GHR: variants seen among roughly 807,000 people sequenced by gnomAD.
GHR encodes the protein GH receptor.
GHR carries 35 observed loss-of-function variants against 67.1 expected under a neutral mutation model. That is an observed-to-expected ratio of 0.52 (90% CI 0.40 to 0.69). The LOEUF (loss-of-function observed/expected upper bound fraction) is 0.69, where lower values mean the gene tolerates loss of function less well. Ranked by LOEUF, GHR falls within the 30% of genes least tolerant of loss-of-function variation. The pLI, the probability that GHR is intolerant of heterozygous loss-of-function variation, is 0.00. For missense variants in GHR, 792 were observed against 764.6 expected, an observed-to-expected ratio of 1.04 and a Z score of -0.42; for synonymous variants, 272 against 269.1, an observed-to-expected ratio of 1.01 and a Z score of -0.10.
rs1054095672 is a variant in GHR at position 42,719,418 on chromosome 5, G to T, written c.1911G>T (p.Met637Ile). 1.9e-6 allele frequency: 3 copies of T among 1,612,594 alleles called. No homozygotes were observed. Among genetic ancestry groups the T allele is most frequent in the South Asian group, 2.2e-5 (2 of 91,072 alleles). Residue 637 changes from methionine (M) to isoleucine (I), a missense_variant, in exon 10 of 10, where the codon ATG becomes ATT. Physicochemically the swap from Met to Ile is conservative, Grantham distance 10. Transcript: ENST00000230882. ...YVSTDQLNKI[M>I]P ...GCACAGACCAACTGAACAAAATCAT[G>T]CCTTAGCCTTTCTTTGGTTTCCCAA...
Position 42,565,633 on chromosome 5 carries a change from G to A in GHR, c.-11-231G>A, listed in dbSNP as rs183489953. 7.1e-5 allele frequency: 70 copies of A among 984,802 alleles called. No individual in the cohort carries two copies. In the East Asian group the frequency reaches 4.7e-3, roughly 65 times the overall value. The allele number at this position is 984,802 out of a possible 1,614,324, so 61.0% of individuals were successfully genotyped here. On this transcript the variant is annotated intron_variant, in intron 1 of 9. Transcript: ENST00000230882. ...GGGTATGAACATCTCTAGTGTTCAT[G>A]TTATTTCCTGAGACTAGCACTCACG...
intron 2 of GHR, among the ~76,000 whole-genome samples, chr5:42,594,054 AT>A (rs1175034810): frequency 6.6e-6 from 1 of 152,126 alleles, no homozygotes; most frequent in Non-Finnish European, 1.5e-5. Context: ...CCATTGGAGA[AT>A]TTTTCTATAT....
chr5:42,574,499 A>C (rs984230772), intron 2 of GHR, among the ~76,000 whole-genome samples: 16 of 152,248 alleles, frequency 1.1e-4, no homozygotes, highest in African/African-American at 1.9e-4. Context: ...GAGAAATAGA[A>C]GGAAGTAAGT....
chr5:42,548,023 G>A, intron 1 of GHR: 1 of 901,804 alleles, frequency 1.1e-6, no homozygotes, highest in Non-Finnish European at 1.3e-6. Flanking sequence ...CAGAGCCTTT[G>A]CTGAGTTCTA....
chr5:42,565,143 C>T (rs2112474380), intron 1 of GHR, among the ~76,000 whole-genome samples: 1 of 152,312 alleles, frequency 6.6e-6, no homozygotes, highest in East Asian at 1.9e-4. Flanking sequence ...CCACACTGGG[C>T]TTCTAAATGG....
At chr5:42,456,957 A>AT (rs1744288496) in intron 1 of GHR, among the ~76,000 whole-genome samples, 1 of 152,178 alleles carries the variant, frequency 6.6e-6, no homozygotes, top group African/African-American at 2.4e-5. Context: ...TTTTCTGGGC[A>AT]TTTTTAATGA....
chr5:42,538,412 C>T (rs1222311084), intron 1 of GHR, among the ~76,000 whole-genome samples: 1 of 152,116 alleles, frequency 6.6e-6, no homozygotes, highest in East Asian at 1.9e-4. Context: ...CTGAAAATGA[C>T]TGTATCTTTC....
chr5:42,554,198 A>G (rs180958862), intron 1 of GHR, among the ~76,000 whole-genome samples: 3 of 152,282 alleles, frequency 2.0e-5, no homozygotes, highest in African/African-American at 7.2e-5. Context: ...TAAGTTCTGC[A>G]AGTGATTCTA....
At chr5:42,538,221 G>A (rs558874441) in intron 1 of GHR, among the ~76,000 whole-genome samples, 90 of 152,030 alleles carry the variant, frequency 5.9e-4, no homozygotes, top group African/African-American at 2.1e-3. Flanking sequence ...TGTGTACCTT[G>A]GTTTTTTGTT....
At chr5:42,432,570 G>A (rs1290344680) in intron 1 of GHR, among the ~76,000 whole-genome samples, 1 of 152,140 alleles carries the variant, frequency 6.6e-6, no homozygotes, top group African/African-American at 2.4e-5. Flanking sequence ...AAGCCTCTAA[G>A]TTGGCCAAAC....
At chr5:42,525,520 A>G (rs1747669636) in intron 1 of GHR, among the ~76,000 whole-genome samples, 1 of 152,168 alleles carries the variant, frequency 6.6e-6, no homozygotes, top group Admixed American at 6.5e-5. Flanking sequence ...CTAAGGTAAG[A>G]CTTTGGACTG....
At chr5:42,583,472 A>C (rs939481269) in intron 2 of GHR, among the ~76,000 whole-genome samples, 7 of 152,232 alleles carry the variant, frequency 4.6e-5, no homozygotes, top group African/African-American at 9.6e-5. Context: ...AAGTGCTGAC[A>C]AGCAGCAAAA....
At chr5:42,599,840 G>A (rs1468851955) in intron 2 of GHR, among the ~76,000 whole-genome samples, 1 of 152,150 alleles carries the variant, frequency 6.6e-6, no homozygotes, top group Non-Finnish European at 1.5e-5. Context: ...GACTTAAGTA[G>A]CTGCTGCCCC....
chr5:42,653,396 C>G (rs1755101059), intron 3 of GHR, among the ~76,000 whole-genome samples: 1 of 152,088 alleles, frequency 6.6e-6, no homozygotes, highest in Non-Finnish European at 1.5e-5. Context: ...TCAGATCTTT[C>G]TGCCATCCCT....
intron 1 of GHR, among the ~76,000 whole-genome samples, chr5:42,511,451 C>A (rs1447359123): frequency 1.3e-5 from 2 of 152,096 alleles, no homozygotes; most frequent in Non-Finnish European, 2.9e-5. Flanking sequence ...ACTTGTTTTC[C>A]TCCTTTGTTT....
At chr5:42,669,717 T>C (rs1756174664) in intron 3 of GHR, among the ~76,000 whole-genome samples, 2 of 152,116 alleles carry the variant, frequency 1.3e-5, no homozygotes, top group African/African-American at 4.8e-5. Context: ...TTTTAAAAAT[T>C]AAATGCCCAA....
intron 3 of GHR, among the ~76,000 whole-genome samples, chr5:42,641,277 G>A (rs1278528137): frequency 3.3e-5 from 5 of 152,000 alleles, no homozygotes; most frequent in Non-Finnish European, 5.9e-5. Context: ...TTTTCTCTAA[G>A]CTTTATAACA....
intron 2 of GHR, among the ~76,000 whole-genome samples, chr5:42,607,157 A>G (rs933272468): frequency 6.6e-6 from 1 of 152,064 alleles, no homozygotes; most frequent in Non-Finnish European, 1.5e-5. Flanking sequence ...ACCTTCCACC[A>G]TGATTATAAG....
intron 1 of GHR, among the ~76,000 whole-genome samples, chr5:42,462,431 T>C (rs1164656386): frequency 1.3e-5 from 2 of 152,226 alleles, no homozygotes; most frequent in African/African-American, 2.4e-5. Context: ...CAAAAAGAGT[T>C]GCAAGGGGAA....
Sources: allele counts gnomAD v4.1 joint callset (sites outside exome capture counted in the v4.1 genomes callset), GRCh38; gene constraint gnomAD v4.1.1; transcripts MANE v1.5; gene names NCBI Gene and HGNC (gene_info 2026-07-23, HGNC 2026-07-21).